Variants in SRGAP2 observed in about 807,000 individuals in gnomAD.
The protein encoded by SRGAP2 is SLIT-ROBO Rho GTPase activating protein 2.
A neutral mutation model predicts 57.2 loss-of-function variants in SRGAP2; 15 were observed. The observed-to-expected ratio is 0.26, with a 90% confidence interval of 0.18 to 0.40. The LOEUF (loss-of-function observed/expected upper bound fraction) is 0.40, where lower values mean the gene tolerates loss of function less well. SRGAP2 is among the 10% of genes least tolerant of loss of function. SRGAP2 has a pLI of 1.00. For missense variants in SRGAP2, 520 were observed against 669.6 expected, an observed-to-expected ratio of 0.78 and a Z score of 2.47; for synonymous variants, 249 against 248.0, an observed-to-expected ratio of 1.00 and a Z score of -0.04.
At chr1:206,272,361 C>G (rs1415733867) in intron 2 of SRGAP2, among the ~76,000 whole-genome samples, 1 of 147,428 alleles carries the variant, frequency 6.8e-6, no homozygotes, top group Non-Finnish European at 1.5e-5. Context: ...TGAGTACTTT[C>G]TTGTGCAGTA....
intron 5 of SRGAP2, among the ~76,000 whole-genome samples, chr1:206,386,040 T>G (rs1656213194): frequency 6.6e-6 from 1 of 152,134 alleles, no homozygotes; most frequent in Non-Finnish European, 1.5e-5. Context: ...CTGGTCCAAA[T>G]GGAGTTTTAA....
chr1:206,249,451 G>A (rs1668706457), intron 2 of SRGAP2, among the ~76,000 whole-genome samples: 1 of 152,044 alleles, frequency 6.6e-6, no homozygotes, highest in Non-Finnish European at 1.5e-5. Flanking sequence ...CAGGGACATG[G>A]ATGAAGCTGG....
chr1:206,458,203 A>G (rs1176891391), intron 21 of SRGAP2, among the ~76,000 whole-genome samples: 1 of 152,206 alleles, frequency 6.6e-6, no homozygotes, highest in Non-Finnish European at 1.5e-5. Flanking sequence ...AAAATTTAGA[A>G]AAGTTAACTA....
intron 3 of SRGAP2, among the ~76,000 whole-genome samples, chr1:206,314,586 A>C (rs1299860396): frequency 1.3e-5 from 2 of 152,248 alleles, no homozygotes; most frequent in Non-Finnish European, 2.9e-5. Context: ...GGCTGTATGC[A>C]GGGCTAAAGA....
At chr1:206,290,526 C>T (rs1412554108) in intron 2 of SRGAP2, among the ~76,000 whole-genome samples, 1 of 150,258 alleles carries the variant, frequency 6.7e-6, no homozygotes, top group Non-Finnish European at 1.5e-5. Context: ...CCTGTAATCC[C>T]AGCTACTTGG....
intron 16 of SRGAP2, 75 bp downstream of exon 16, chr1:206,438,173 G>C (rs941041147): frequency 2.7e-6 from 2 of 736,412 alleles, no homozygotes; most frequent in Admixed American, 1.9e-5. Context: ...TTTCCACAGG[G>C]TCTGTGTGTT....
intron 4 of SRGAP2, among the ~76,000 whole-genome samples, chr1:206,383,701 C>T (rs1655923422): frequency 6.8e-6 from 1 of 147,750 alleles, no homozygotes; most frequent in East Asian, 1.9e-4. Context: ...CACCTAACAA[C>T]AGTTGCTAGG....
At chr1:206,418,547 T>C (rs1408471815) in intron 11 of SRGAP2, among the ~76,000 whole-genome samples, 1 of 152,254 alleles carries the variant, frequency 6.6e-6, no homozygotes, top group Non-Finnish European at 1.5e-5. Flanking sequence ...CAGATTGAGC[T>C]TCATTAACTG....
intron 2 of SRGAP2, among the ~76,000 whole-genome samples, chr1:206,254,076 C>T (rs1669028672): frequency 8.0e-6 from 1 of 125,400 alleles, no homozygotes; most frequent in South Asian, 2.9e-4. Flanking sequence ...GTTGGTTTGG[C>T]CCATCAGGAC....
chr1:206,237,736 A>AC (rs1553308415), intron 2 of SRGAP2, among the ~76,000 whole-genome samples: 1 of 146,470 alleles, frequency 6.8e-6, no homozygotes, highest in African/African-American at 2.5e-5. Context: ...GAAGCAGCCA[A>AC]CCTGGCTGGT....
intron 12 of SRGAP2, among the ~76,000 whole-genome samples, chr1:206,419,673 C>T (rs1178038661): frequency 1.3e-5 from 2 of 152,116 alleles, no homozygotes; most frequent in East Asian, 1.9e-4. Flanking sequence ...GACCCCCTAA[C>T]GCCACTGAAT....
intron 3 of SRGAP2, among the ~76,000 whole-genome samples, chr1:206,305,659 G>A (rs1553617616): frequency 6.7e-6 from 1 of 149,556 alleles, no homozygotes; most frequent in Non-Finnish European, 1.5e-5. Context: ...TAGTAGATGC[G>A]CACTAAATAT....
At chr1:206,448,837 A>C (rs1553374754) in intron 18 of SRGAP2, among the ~76,000 whole-genome samples, 1 of 152,208 alleles carries the variant, frequency 6.6e-6, no homozygotes, top group African/African-American at 2.4e-5. Context: ...AACAGTGAGA[A>C]ATTGTGCCTA....
At chr1:206,326,399 A>T (rs1382078176) in intron 3 of SRGAP2, among the ~76,000 whole-genome samples, 1 of 151,996 alleles carries the variant, frequency 6.6e-6, no homozygotes, top group African/African-American at 2.4e-5. Context: ...GCCGTTAGGC[A>T]GCAGCAGTTT....
intron 1 of SRGAP2, chr1:206,205,022 C>T (rs1323570328): frequency 2.0e-5 from 3 of 152,038 alleles, no homozygotes; most frequent in African/African-American, 4.8e-5. Flanking sequence ...TATCCCTCCC[C>T]GGCTTTGATC....
chr1:206,332,210 A>G, intron 3 of SRGAP2, among the ~76,000 whole-genome samples: 1 of 119,400 alleles, frequency 8.4e-6, no homozygotes, highest in South Asian at 3.3e-4. Context: ...CTTTGAGGGT[A>G]ACCCGACCTT....
rs546829549 is a variant in SRGAP2 at position 206,320,796 on chromosome 1, A to G, written c.260+17323A>G. Among the ~76,000 whole-genome samples, 5 of 152,184 alleles carry G rather than the reference A, an allele frequency of 3.3e-5. No homozygotes were observed. The East Asian group carries it at 9.6e-4, about 29-fold the overall frequency. On this transcript the variant is annotated intron_variant, in intron 3 of 22. Coordinates refer to ENST00000573034, the MANE Select transcript of SRGAP2 (RefSeq NM_015326.5). ...TGCCCCAAAATGTTAACATATTACT[A>G]CATTTGCTTTATACTTCACCCTTTT...
intron 2 of SRGAP2, among the ~76,000 whole-genome samples, chr1:206,278,206 G>A (rs1440737711): frequency 1.3e-5 from 2 of 150,962 alleles, no homozygotes; most frequent in African/African-American, 4.9e-5. Flanking sequence ...AGTTGGGGAA[G>A]AGGGAGACAA....
At chr1:206,377,481 ATTTTTTTT>A (rs782108315) in intron 4 of SRGAP2, among the ~76,000 whole-genome samples, 8 of 98,968 alleles carry the variant, frequency 8.1e-5, no homozygotes, top group Non-Finnish European at 1.2e-4. Context: ...TTGAAATCAG[ATTTTTTTT>A]TTTTTTTTTT....
Sources: gnomAD v4.1 joint callset for allele counts (sites outside exome capture counted in the v4.1 genomes callset) on GRCh38, gnomAD v4.1.1 for gene constraint, MANE v1.5 for transcripts, NCBI Gene and HGNC (gene_info 2026-07-23, HGNC 2026-07-21) for gene names.